The following CFAP97D2 variants were observed in gnomAD, a reference collection of about 807,000 sequenced individuals.
The protein encoded by CFAP97D2 is uncharacterized protein CFAP97D2.
intron 1 of CFAP97D2, among the ~76,000 whole-genome samples, chr13:114,191,598 A>T (rs2080869653): frequency 6.6e-6 from 1 of 152,212 alleles, no homozygotes; most frequent in African/African-American, 2.4e-5. Context: ...AACACCAAAT[A>T]CTGTCAAGGA....
rs555235572 is a variant in CFAP97D2 at position 114,186,518 on chromosome 13, G to T, written c.90+7098G>T. Among the ~76,000 whole-genome samples, 3 of 152,354 alleles carry T rather than the reference G, an allele frequency of 2.0e-5. No homozygotes were observed. The highest frequency in any genetic ancestry group is 2.0e-4 in the Admixed American group (3 of 15,304). ...CAAGCAGGGCTGAAACATGCCCCTT[G>T]TTCACCATGCTGTGGGTGAAGAGGA... On this transcript the variant is annotated intron_variant, in intron 1 of 4. Coordinates refer to ENST00000646158, the Ensembl canonical transcript of CFAP97D2. The surrounding 1 kb of genome is among the most constrained non-coding windows in gnomAD (Gnocchi z 4.3).
intron 1 of CFAP97D2, among the ~76,000 whole-genome samples, chr13:114,180,886 C>G (rs1342542959): frequency 6.6e-6 from 1 of 152,178 alleles, no homozygotes. Flanking sequence ...ACCTGAGAAA[C>G]TGTAAGGTAA....
chr13:114,194,290 G>A (rs965201978), intron 1 of CFAP97D2, among the ~76,000 whole-genome samples: 5 of 152,202 alleles, frequency 3.3e-5, no homozygotes, highest in African/African-American at 1.2e-4. Flanking sequence ...TACCACCTGT[G>A]GTTTATCAAG....
At chr13:114,181,436 C>T (rs1166424418) in intron 1 of CFAP97D2, among the ~76,000 whole-genome samples, 2 of 152,066 alleles carry the variant, frequency 1.3e-5, no homozygotes, top group African/African-American at 4.8e-5. Context: ...GGGGGTAGGG[C>T]TCATTTAGGA....
chr13:114,183,419 C>T lies in CFAP97D2; in HGVS notation c.90+3999C>T, dbSNP rs146545359. 3.4e-3 allele frequency among the ~76,000 whole-genome samples: 511 copies of T among 152,192 alleles called. 1 individual carries two copies. The highest frequency in any genetic ancestry group is 0.012 in the African/African-American group (489 of 41,514). Reference sequence around the variant, plus strand: ...CTGACCTCAGGTGATTAGCCTGCCTCGACCTCCCAAAGTGCTAGGATTACA... The same window carrying T: ...CTGACCTCAGGTGATTAGCCTGCCTTGACCTCCCAAAGTGCTAGGATTACA... On this transcript the variant is annotated intron_variant, in intron 1 of 4. Coordinates refer to ENST00000646158, the Ensembl canonical transcript of CFAP97D2.
In CFAP97D2 at chr13:114,187,311, C is replaced by A. The variant is rs149003213; in HGVS notation, c.90+7891C>A. Among the ~76,000 whole-genome samples the A allele has an allele frequency of 8.4e-3, 1,264 of 150,974 alleles. 13 individuals carry two copies. Among genetic ancestry groups the A allele is most frequent in the African/African-American group, 0.029 (1,181 of 41,066 alleles). On this transcript the variant is annotated intron_variant, in intron 1 of 4. Transcript: ENST00000646158. The surrounding 1 kb of genome is among the most constrained non-coding windows in gnomAD (Gnocchi z 4.2). Reference sequence around the variant, plus strand: ...AACAAAATAGTAACAAATATGATAGCTATTTATCCAACTATATTAATCACT... The same window carrying A: ...AACAAAATAGTAACAAATATGATAGATATTTATCCAACTATATTAATCACT...
chr13:114,194,593 T>TC (rs969057694), intron 1 of CFAP97D2, among the ~76,000 whole-genome samples: 4 of 151,580 alleles, frequency 2.6e-5, no homozygotes, highest in South Asian at 4.2e-4. Context: ...GGCACTCATT[T>TC]CCCCCCCAAG....
chr13:114,198,721 G>A (rs972755027), intron 2 of CFAP97D2, among the ~76,000 whole-genome samples: 2 of 81,430 alleles, frequency 2.5e-5, no homozygotes, highest in Middle Eastern at 5.6e-3. Context: ...GGGTGACGGC[G>A]CGTCCCCGTG....
chr13:114,196,757 G>A (rs1267537188), intron 2 of CFAP97D2, among the ~76,000 whole-genome samples: 2 of 152,196 alleles, frequency 1.3e-5, no homozygotes, highest in South Asian at 2.1e-4. Flanking sequence ...GGATCTGCCC[G>A]TGACACAGCC....
chr13:114,217,204 C>T (rs2080997794), intron 4 of CFAP97D2, among the ~76,000 whole-genome samples: 1 of 152,188 alleles, frequency 6.6e-6, no homozygotes. Flanking sequence ...GATATCACCA[C>T]TGATCCCACA....
rs2081025286 is a variant in CFAP97D2 at position 114,222,258 on chromosome 13, G to A, written c.481-240G>A. Among the ~76,000 whole-genome samples, 1 of 152,108 alleles carries A rather than the reference G, an allele frequency of 6.6e-6. No individual in the cohort carries two copies. The highest frequency in any genetic ancestry group is 6.5e-5 in the Admixed American group (1 of 15,276). On this transcript the variant is annotated intron_variant, in intron 4 of 4. Transcript: ENST00000646158. This position sits in a 1 kb window ranked among gnomAD's most constrained non-coding sequence, Gnocchi z 4.4. Reference sequence around the variant, plus strand: ...TTTTGGAGGGGGAGGTGATGAAGATGTTCTGAAATTATATTGTGACAATAG... The same window carrying A: ...TTTTGGAGGGGGAGGTGATGAAGATATTCTGAAATTATATTGTGACAATAG...
intron 1 of CFAP97D2, among the ~76,000 whole-genome samples, chr13:114,190,680 AT>A (rs2080866284): frequency 6.6e-6 from 1 of 152,258 alleles, no homozygotes. Context: ...AAGATACAAT[AT>A]TGTCAAAATG....
At chr13:114,217,556 G>A (rs921188974) in intron 4 of CFAP97D2, among the ~76,000 whole-genome samples, 13 of 152,164 alleles carry the variant, frequency 8.5e-5, no homozygotes, top group Admixed American at 5.9e-4. Context: ...ACCAAAGCCT[G>A]GCAGAGACAC....
Position 114,185,975 on chromosome 13 carries a change from T to A in CFAP97D2, c.90+6555T>A, listed in dbSNP as rs116841107. ...CCTGAAGCCTGGGGTTCCAGCTGCCTGTCCTGCAAGCCAGAGAGGGAACTT... is the reference window on the plus strand; with the variant it reads ...CCTGAAGCCTGGGGTTCCAGCTGCCAGTCCTGCAAGCCAGAGAGGGAACTT... On this transcript the variant is annotated intron_variant, in intron 1 of 4. Coordinates refer to ENST00000646158, the Ensembl canonical transcript of CFAP97D2. The surrounding 1 kb of genome is among the most constrained non-coding windows in gnomAD (Gnocchi z 5.2). Among the ~76,000 whole-genome samples the A allele has an allele frequency of 0.012, 1,766 of 152,346 alleles. 96 individuals carry two copies. The highest frequency in any genetic ancestry group is 0.081 in the Admixed American group (1,243 of 15,296).
Position 114,180,653 on chromosome 13 carries a change from G to C in CFAP97D2, c.90+1233G>C, listed in dbSNP as rs12873671. Among the ~76,000 whole-genome samples, 163 of 152,360 alleles carry C rather than the reference G, an allele frequency of 1.1e-3. 1 individual carries two copies. The highest frequency in any genetic ancestry group is 1.7e-3 in the Non-Finnish European group (113 of 68,034). On this transcript the variant is annotated intron_variant, in intron 1 of 4. Coordinates refer to ENST00000646158, the Ensembl canonical transcript of CFAP97D2. ...CCCACCACGATGTTCTCTGCACGTAGAGTGTGGAGTGAGCACTTGGTCAAC... is the reference window on the plus strand; with the variant it reads ...CCCACCACGATGTTCTCTGCACGTACAGTGTGGAGTGAGCACTTGGTCAAC...
intron 2 of CFAP97D2, among the ~76,000 whole-genome samples, chr13:114,197,529 G>A (rs9562139): frequency 0.054 from 8,206 of 152,144 alleles, 578 homozygotes; most frequent in East Asian, 0.35. Flanking sequence ...TTGTGGAGGG[G>A]GCTTAGAATT....
chr13:114,182,139 C>A (rs180838117), intron 1 of CFAP97D2, among the ~76,000 whole-genome samples: 3 of 146,276 alleles, frequency 2.1e-5, no homozygotes, highest in Non-Finnish European at 3.0e-5. Context: ...AGTAGGAGAG[C>A]AGGGTGATAA....
rs144035664 is a variant in CFAP97D2 at position 114,211,965 on chromosome 13, G to A, written c.344G>A (p.Arg115Gln). The A allele has an allele frequency of 2.2e-3, 897 of 398,726 alleles. 6 individuals are homozygous for A. Among genetic ancestry groups the A allele is most frequent in the South Asian group, 8.3e-3 (65 of 7,858 alleles). 24.7% of individuals were successfully genotyped at this position (398,726 alleles called of 1,614,324 possible). A position where few individuals can be genotyped will look rare whatever the true frequency, so the allele number is the denominator to read the frequency against. Reference sequence around the variant, plus strand: ...CTTCGCAGAGTGCGGAAGAAAACACGGCCATTCTGGAAGGAATCACACACT... The same window carrying A: ...CTTCGCAGAGTGCGGAAGAAAACACAGCCATTCTGGAAGGAATCACACACT... Residue 115 changes from arginine to glutamine, a missense_variant, in exon 4 of 5, where the codon CGG (arginine) becomes CAG (glutamine). Physicochemically the swap from Arg to Gln is conservative, Grantham distance 43. Coordinates refer to ENST00000646158, the Ensembl canonical transcript of CFAP97D2. The surrounding 1 kb of genome is among the most constrained non-coding windows in gnomAD (Gnocchi z 4.2).
At chr13:114,188,712 G>A (rs1209406801) in intron 1 of CFAP97D2, among the ~76,000 whole-genome samples, 1 of 150,740 alleles carries the variant, frequency 6.6e-6, no homozygotes, top group Non-Finnish European at 1.5e-5. Flanking sequence ...CGGAGGAGGA[G>A]CTTGCAGTGA....
Sources: gnomAD v4.1 joint callset for allele counts (sites outside exome capture counted in the v4.1 genomes callset) on GRCh38, gnomAD v4.1.1 for gene constraint, Gnocchi (gnomAD v3.1) non-coding constraint, MANE v1.5 for transcripts, NCBI Gene and HGNC (gene_info 2026-07-23, HGNC 2026-07-21) for gene names.